Variants in CDC42BPA observed in about 807,000 individuals in gnomAD.
The protein encoded by CDC42BPA is serine/threonine-protein kinase MRCK alpha.
Under a neutral mutation model 223.5 loss-of-function variants are expected in CDC42BPA, and 80 were observed. The observed-to-expected ratio is 0.36, with a 90% CI of 0.30 to 0.43. The LOEUF (loss-of-function observed/expected upper bound fraction) is 0.43. Among genes scored for constraint, CDC42BPA ranks in the 20% least tolerant of loss-of-function variants. CDC42BPA has a pLI of 1.00. For missense variants in CDC42BPA, 1,743 were observed against 2,099.9 expected, an observed-to-expected ratio of 0.83 and a Z score of 3.32; for synonymous variants, 694 against 718.6, an observed-to-expected ratio of 0.97 and a Z score of 0.55.
chr1:227,113,632 A>G (rs1485939269), intron 12 of CDC42BPA, among the ~76,000 whole-genome samples: 1 of 152,172 alleles, frequency 6.6e-6, no homozygotes, highest in Non-Finnish European at 1.5e-5. Flanking sequence ...GGAATAAAGG[A>G]TGAAATAATA....
intron 5 of CDC42BPA, among the ~76,000 whole-genome samples, chr1:227,190,071 A>G (rs1669462053): frequency 6.6e-6 from 1 of 152,202 alleles, no homozygotes; most frequent in African/African-American, 2.4e-5. Flanking sequence ...ACTAAACTCA[A>G]CATGAACTCT....
intron 2 of CDC42BPA, among the ~76,000 whole-genome samples, chr1:227,223,946 T>C (rs1164887469): frequency 6.6e-6 from 1 of 152,188 alleles, no homozygotes; most frequent in Non-Finnish European, 1.5e-5. Flanking sequence ...ATAAGTGTTC[T>C]GAGCACGTTT....
chr1:227,270,712 A>C (rs191850626), intron 1 of CDC42BPA, among the ~76,000 whole-genome samples: 2 of 152,174 alleles, frequency 1.3e-5, no homozygotes, highest in African/African-American at 2.4e-5. Context: ...AGAACTCTGT[A>C]AACATTAAGC....
At position 226,991,021 on chromosome 1, in the gene CDC42BPA, T is replaced by C. The variant is rs1660674380; in HGVS notation, c.*3247A>G. On this transcript the variant is annotated 3_prime_UTR_variant, in exon 37 of 37. Transcript: ENST00000366766. ...GGGATGTGTATAAATACATACATAA[T>C]AACAAAAAATGTAAGATCTACTTTA... is the stretch of plus-strand genomic sequence containing the variant. 1 of 152,548 alleles carries C rather than the reference T, an allele frequency of 6.6e-6. No homozygotes were observed. The highest frequency in any genetic ancestry group is 1.5e-5 in the Non-Finnish European group (1 of 68,020). The allele number at this position is 152,548 out of a possible 1,614,324, so 9.4% of individuals were successfully genotyped here. A position where few individuals can be genotyped will look rare whatever the true frequency, so the allele number is the denominator to read the frequency against.
At chr1:227,289,928 A>C (rs1689428875) in intron 1 of CDC42BPA, among the ~76,000 whole-genome samples, 1 of 149,522 alleles carries the variant, frequency 6.7e-6, no homozygotes. Flanking sequence ...GTGTGCACCT[A>C]TAGTCCCAGC....
chr1:227,265,196 G>A (rs764898684), intron 1 of CDC42BPA: 11 of 620,806 alleles, frequency 1.8e-5, no homozygotes, highest in Admixed American at 5.0e-5. Flanking sequence ...ACACCAAAGC[G>A]TGCTAAAAGT....
At chr1:227,308,712 A>G (rs1360966607) in intron 1 of CDC42BPA, among the ~76,000 whole-genome samples, 1 of 152,214 alleles carries the variant, frequency 6.6e-6, no homozygotes, top group Non-Finnish European at 1.5e-5. Flanking sequence ...GTCTTAATCC[A>G]AAACCCCTTG....
At chr1:227,245,193 C>T (rs1680701738) in intron 2 of CDC42BPA, among the ~76,000 whole-genome samples, 1 of 152,046 alleles carries the variant, frequency 6.6e-6, no homozygotes, top group African/African-American at 2.4e-5. Context: ...CATCCCCCAA[C>T]CCAGGCAGTG....
chr1:227,130,640 A>G (rs1558566189), intron 10 of CDC42BPA, among the ~76,000 whole-genome samples: 1 of 152,124 alleles, frequency 6.6e-6, no homozygotes, highest in Non-Finnish European at 1.5e-5. Context: ...GAATCACCTG[A>G]GGTTGGGAGT....
chr1:227,317,049 G>C lies in CDC42BPA; in HGVS notation c.134C>G (p.Ser45Cys), dbSNP rs748385715. Residue 45 changes from serine to cysteine, a missense_variant, in exon 1 of 37, where the codon TCT (serine) becomes TGT (cysteine). Ser to Cys is a moderately radical substitution (Grantham distance 112). This residue lies in a region of CDC42BPA where 321 missense variants were observed against 488.7 expected (regional missense o/e 0.66). Transcript: ENST00000366766. ...AATGTTCTTCTCTCTTCTCAATGGAGAATTATTGCATTCATCATAAAGGCA... is the reference window on the plus strand; with the variant it reads ...AATGTTCTTCTCTCTTCTCAATGGACAATTATTGCATTCATCATAAAGGCA... ...LICLYDECNN[S>C]PLRREKNILE... The C allele has an allele frequency of 6.2e-7, 1 of 1,613,712 alleles. No individual in the cohort carries two copies. Among genetic ancestry groups the C allele is most frequent in the East Asian group, 2.2e-5 (1 of 44,872 alleles).
At chr1:227,167,787 G>A (rs1433972648) in intron 5 of CDC42BPA, among the ~76,000 whole-genome samples, 1 of 152,176 alleles carries the variant, frequency 6.6e-6, no homozygotes, top group Non-Finnish European at 1.5e-5. Flanking sequence ...AGTCTAGTAT[G>A]TATATCTAGA....
chr1:227,064,173 T>C (rs1676505563), intron 21 of CDC42BPA, among the ~76,000 whole-genome samples: 1 of 152,208 alleles, frequency 6.6e-6, no homozygotes, highest in African/African-American at 2.4e-5. Flanking sequence ...ATTTACTCTT[T>C]CATCAGTATA....
intron 21 of CDC42BPA, among the ~76,000 whole-genome samples, chr1:227,058,684 C>G (rs1257474795): frequency 6.6e-6 from 1 of 152,028 alleles, no homozygotes; most frequent in African/African-American, 2.4e-5. Context: ...GTGGCTGACT[C>G]ATTTCAAGTT....
chr1:227,252,531 C>T (rs1381066641), intron 2 of CDC42BPA, among the ~76,000 whole-genome samples: 1 of 152,134 alleles, frequency 6.6e-6, no homozygotes, highest in Admixed American at 6.6e-5. Flanking sequence ...TTTCCCTCTT[C>T]TTGTAAGACC....
At position 227,033,370 on chromosome 1, in the gene CDC42BPA, G is replaced by A. The variant is rs767861164; in HGVS notation, c.3522C>T (p.Ile1174=). 9 of 1,613,148 alleles carry A rather than the reference G, an allele frequency of 5.6e-6. No individual in the cohort carries two copies. In the African/African-American group the frequency reaches 9.4e-5, roughly 17 times the overall value. ...AGGGTATATCTTTCCGACTTGCATG[G>A]ATAACATCAGAAGCCAAGACTGAAC... ...SVSSVLASDV[I]HASRKDIPCI... The change falls in exon 27 of 37, where the codon ATC becomes ATT. Residue 1174 remains isoleucine (I), a synonymous_variant. Coordinates refer to ENST00000366766, the MANE Select transcript of CDC42BPA (RefSeq NM_001394014.1).
intron 5 of CDC42BPA, among the ~76,000 whole-genome samples, chr1:227,175,513 T>C (rs956905541): frequency 1.3e-4 from 20 of 152,174 alleles, no homozygotes; most frequent in African/African-American, 4.8e-4. Context: ...AACTACCAAG[T>C]AATCATTCAT....
intron 1 of CDC42BPA, among the ~76,000 whole-genome samples, chr1:227,279,663 T>C (rs1238091659): frequency 2.0e-5 from 3 of 152,184 alleles, no homozygotes; most frequent in Non-Finnish European, 4.4e-5. Flanking sequence ...TATGCTGCCT[T>C]ATCACCCCAG....
intron 2 of CDC42BPA, among the ~76,000 whole-genome samples, chr1:227,229,939 G>A (rs1162566581): frequency 6.6e-6 from 1 of 152,134 alleles, no homozygotes; most frequent in Non-Finnish European, 1.5e-5. Flanking sequence ...TATTTATCCT[G>A]TCATGGAGTC....
At chr1:227,040,421 G>A (rs573432479) in intron 23 of CDC42BPA, among the ~76,000 whole-genome samples, 185 bp from the exon 24 acceptor site, 1 of 152,000 alleles carries the variant, frequency 6.6e-6, no homozygotes, top group Non-Finnish European at 1.5e-5. Flanking sequence ...AATTTGAACT[G>A]GACTAAGCTA....
Sources: allele counts gnomAD v4.1 joint callset (sites outside exome capture counted in the v4.1 genomes callset), GRCh38; gene constraint gnomAD v4.1.1; regional missense constraint gnomAD v4.1.1; transcripts MANE v1.5; gene names NCBI Gene and HGNC (gene_info 2026-07-23, HGNC 2026-07-21).